PEMT: variants seen among roughly 807,000 people sequenced by gnomAD.
PEMT encodes the protein phosphatidylethanolamine N-methyltransferase, also known as phospholipid methyltransferase.
Under a neutral mutation model 27.4 loss-of-function variants are expected in PEMT, and 23 were observed. The observed-to-expected ratio is 0.84, with a 90% CI of 0.60 to 1.19. The LOEUF is 1.19. Ranked by LOEUF, PEMT falls within the 50% of genes most tolerant of loss-of-function variation. The pLI, the probability that PEMT is intolerant of heterozygous loss-of-function variation, is 0.00. For synonymous variants in PEMT, 137 were observed against 139.1 expected (o/e 0.98, Z 0.11); for missense variants, 307 against 310.1 (o/e 0.99, Z 0.07).
At chr17:17,554,989 G>C (rs1039878586) in intron 2 of PEMT, among the ~76,000 whole-genome samples, 1 of 152,090 alleles carries the variant, frequency 6.6e-6, no homozygotes, top group Admixed American at 6.6e-5. Flanking sequence ...GGCCATGCAC[G>C]GCCTCCACTG....
chr17:17,532,847 G>A (rs2142571040), intron 2 of PEMT, among the ~76,000 whole-genome samples: 1 of 152,308 alleles, frequency 6.6e-6, no homozygotes, highest in African/African-American at 2.4e-5. Context: ...GGCCAACATG[G>A]CGAAACCTGT....
chr17:17,535,713 G>C (rs190120949), intron 2 of PEMT, among the ~76,000 whole-genome samples: 6 of 152,206 alleles, frequency 3.9e-5, no homozygotes, highest in African/African-American at 1.4e-4. Context: ...GGGAAGAGGC[G>C]GAGAGGGGGC....
At chr17:17,537,320 T>C (rs1428006972) in intron 2 of PEMT, among the ~76,000 whole-genome samples, 1 of 152,158 alleles carries the variant, frequency 6.6e-6, no homozygotes, top group African/African-American at 2.4e-5. Flanking sequence ...TGCCTTCCCC[T>C]TGCCCTGCTA....
intron 4 of PEMT, among the ~76,000 whole-genome samples, chr17:17,509,948 C>G (rs540782718): frequency 2.6e-5 from 4 of 152,132 alleles, no homozygotes; most frequent in Admixed American, 1.3e-4. Context: ...TTATGCAGAC[C>G]CTTCCTCTTC....
At chr17:17,542,090 C>T (rs1009010909) in intron 2 of PEMT, among the ~76,000 whole-genome samples, 9 of 152,244 alleles carry the variant, frequency 5.9e-5, no homozygotes, top group African/African-American at 2.2e-4. Flanking sequence ...AAGCAATTCT[C>T]CTGCCTCAGC....
chr17:17,510,244 C>T (rs867785398), intron 4 of PEMT, among the ~76,000 whole-genome samples: 1 of 152,198 alleles, frequency 6.6e-6, no homozygotes, highest in African/African-American at 2.4e-5. Context: ...AGGCGTCCCC[C>T]GGCAGAGCTG....
At chr17:17,529,551 G>T (rs1183190167) in intron 2 of PEMT, among the ~76,000 whole-genome samples, 1 of 152,302 alleles carries the variant, frequency 6.6e-6, no homozygotes, top group East Asian at 1.9e-4. Context: ...GAGCACACTA[G>T]TGCCAGAGAG....
intron 5 of PEMT, chr17:17,507,309 C>G (rs1222668010): frequency 3.5e-6 from 3 of 851,414 alleles, no homozygotes; most frequent in Non-Finnish European, 5.7e-6. Context: ...AGGGGCTGTG[C>G]CCTCCTTGGC....
intron 3 of PEMT, among the ~76,000 whole-genome samples, chr17:17,521,587 G>C (rs371726659): frequency 6.6e-6 from 1 of 152,108 alleles, no homozygotes; most frequent in Non-Finnish European, 1.5e-5. Context: ...AATGTGAGAC[G>C]GAGTCTCGCT....
chr17:17,591,809 C>T (rs763038276), upstream of PEMT: 227 of 1,410,564 alleles, frequency 1.6e-4, no homozygotes, highest in Non-Finnish European at 2.0e-4. Flanking sequence ...TCTGGGGGCT[C>T]GCGACAGCGT....
chr17:17,544,605 G>A (rs1193166040), intron 2 of PEMT, among the ~76,000 whole-genome samples: 13 of 152,136 alleles, frequency 8.5e-5, no homozygotes, highest in Admixed American at 6.5e-4. Flanking sequence ...CCACTGCCCC[G>A]ATTCACTGCA....
chr17:17,522,825 C>A (rs1907379696), intron 2 of PEMT, among the ~76,000 whole-genome samples: 1 of 152,204 alleles, frequency 6.6e-6, no homozygotes, highest in East Asian at 1.9e-4. Context: ...GCTGCAGGAG[C>A]ACGCGGCCTT....
chr17:17,534,989 C>T (rs1476758727), intron 2 of PEMT, among the ~76,000 whole-genome samples: 1 of 151,946 alleles, frequency 6.6e-6, no homozygotes, highest in Non-Finnish European at 1.5e-5. Flanking sequence ...CAGCTCACTA[C>T]AACCTCTGCC....
Position 17,556,108 on chromosome 17 carries a change from C to T in PEMT, c.204+20812G>A, listed in dbSNP as rs117690417. 9.0e-3 allele frequency among the ~76,000 whole-genome samples: 1,365 copies of T among 152,344 alleles called. 12 individuals are homozygous for T. The highest frequency in any genetic ancestry group is 0.012 in the Non-Finnish European group (793 of 68,036). ...CGTCGCACTGAAGTGGCTGGATGGA[C>T]GCCAGAGAGTCCAGAGGCAGGTGAG... On this transcript the variant is annotated intron_variant, in intron 2 of 6. Coordinates refer to ENST00000255389, the MANE Select transcript of PEMT (RefSeq NM_148172.3).
chr17:17,572,357 T>C (rs574187422), intron 2 of PEMT, among the ~76,000 whole-genome samples: 44 of 152,326 alleles, frequency 2.9e-4, no homozygotes, highest in East Asian at 1.9e-3. Context: ...TCTCTCCCCA[T>C]GGCCCGCAAG....
At chr17:17,570,418 T>C in intron 2 of PEMT, 3 of 721,126 alleles carry the variant, frequency 4.2e-6, no homozygotes, top group Non-Finnish European at 5.1e-6. Flanking sequence ...TCAGATGGCC[T>C]GGGCTTGGGG....
chr17:17,520,926 G>A (rs1454873459), intron 3 of PEMT, among the ~76,000 whole-genome samples: 1 of 152,282 alleles, frequency 6.6e-6, no homozygotes, highest in Non-Finnish European at 1.5e-5. Context: ...GGCCACGGAG[G>A]GGGAAGGCCT....
rs1906577701 is a variant in PEMT at position 17,513,593 on chromosome 17, A to G, written c.321-939T>C. On this transcript the variant is annotated intron_variant, in intron 3 of 6. Transcript: ENST00000255389. This position sits in a 1 kb window ranked among gnomAD's most constrained non-coding sequence, Gnocchi z 4.1. ...GCGAGACTTAGTATCAAAAGAAAAA[A>G]GAAAAAAAGAAAAGGCAGTGGCGTG... Among the ~76,000 whole-genome samples the G allele has an allele frequency of 6.6e-6, 1 of 152,182 alleles. No homozygotes were observed. The highest frequency in any genetic ancestry group is 6.5e-5 in the Admixed American group (1 of 15,280).
At chr17:17,577,162 C>A (rs995650190) in intron 1 of PEMT, 135 bp from the exon 2 acceptor site, 3 of 674,302 alleles carry the variant, frequency 4.4e-6, no homozygotes, top group Non-Finnish European at 7.9e-6. Flanking sequence ...AAGGTTACTA[C>A]AGTGTAGTCT....
Sources: allele counts gnomAD v4.1 joint callset (sites outside exome capture counted in the v4.1 genomes callset), GRCh38; gene constraint gnomAD v4.1.1; non-coding constraint Gnocchi (gnomAD v3.1); transcripts MANE v1.5; gene names NCBI Gene and HGNC (gene_info 2026-07-23, HGNC 2026-07-21).